CDH26: variants seen among roughly 807,000 people sequenced by gnomAD.
CDH26 encodes cadherin 26.
A neutral mutation model predicts 90.3 loss-of-function variants in CDH26; 83 were observed. The ratio of observed to expected loss-of-function variants is 0.92; its 90% CI spans 0.77 to 1.10. The LOEUF (loss-of-function observed/expected upper bound fraction) is 1.10, where lower values mean the gene tolerates loss of function less well. Ranked by LOEUF, CDH26 falls within the 50% of genes least tolerant of loss-of-function variation. The pLI, the probability that CDH26 is intolerant of heterozygous loss-of-function variation, is 0.00. For missense variants in CDH26, 1,013 were observed against 1,037.6 expected (o/e 0.98, Z 0.33); for synonymous variants, 397 against 396.3 (o/e 1.00, Z -0.02).
intron 6 of CDH26, 58 bp downstream of exon 6, chr20:59,984,863 A>G: frequency 6.4e-7 from 1 of 1,569,780 alleles, no homozygotes. Context: ...CTTGAGCCCC[A>G]GGCTTAGATT....
intron 9 of CDH26, among the ~76,000 whole-genome samples, chr20:59,991,462 T>G (rs1037135880): frequency 2.6e-5 from 4 of 152,218 alleles, no homozygotes; most frequent in African/African-American, 9.6e-5. Context: ...CCTTTTGGCC[T>G]GAGATAATCC....
At chr20:60,035,624 T>A (rs766915811), downstream of CDH26, among the ~76,000 whole-genome samples, 1 of 152,114 alleles carries the variant, frequency 6.6e-6, no homozygotes, top group Admixed American at 6.6e-5. Context: ...ATGCTTTGTA[T>A]GTGGTATGGT....
At chr20:60,023,502 T>G (rs1195779757) in intron 7 of CDH26, among the ~76,000 whole-genome samples, 1 of 152,092 alleles carries the variant, frequency 6.6e-6, no homozygotes, top group Non-Finnish European at 1.5e-5. Context: ...CATTGTTTTT[T>G]GAAAAGCAGC....
chr20:59,975,644 G>A (rs561576763), intron 4 of CDH26, among the ~76,000 whole-genome samples: 29 of 152,298 alleles, frequency 1.9e-4, no homozygotes, highest in African/African-American at 3.8e-4. Context: ...AAATTAGGAC[G>A]TGTCCTAAAC....
rs1555903645 is a variant in CDH26, at chr20:60,021,869, C to CACACACACAT, written c.948-9353_948-9352insTACACACACA. The stretch of plus-strand genomic sequence containing the variant: ...ATCTGTACACACACACACACACACA[C>CACACACACAT]ACACACACACACACACACACACACA... On this transcript the variant is annotated intron_variant, in intron 7 of 8. Coordinates refer to the CDH26 transcript ENST00000370991. Among the ~76,000 whole-genome samples the CACACACACAT allele has an allele frequency of 3.1e-3, 324 of 102,858 alleles. 10 individuals carry two copies. Among genetic ancestry groups the CACACACACAT allele is most frequent in the Middle Eastern group, 9.5e-3 (2 of 210 alleles). The allele number at this position is 102,858 out of a possible 152,430, so 67.5% of individuals were successfully genotyped here.
rs1425577577 is a variant in CDH26 at position 59,992,474 on chromosome 20, TG to T, written c.1381del (p.Val461Ter). On this transcript the variant is annotated frameshift_variant, in exon 10 of 18. Coordinates refer to ENST00000348616, the MANE Select transcript of CDH26 (RefSeq NM_177980.4). LOFTEE classifies it high-confidence loss of function. The surrounding 1 kb of genome is among the most constrained non-coding windows in gnomAD (Gnocchi z 5.0). ...VEPIDRESPH[V>X]NNSFYVIIIH... is the part of the protein sequence containing the mutation. ...AGCCAATTGACCGAGAATCCCCTCA[TG>T]TAAATAACAGTTTTTATGTAATCAT... is the stretch of plus-strand genomic sequence containing the variant. 1 of 1,614,150 alleles carries T rather than the reference TG, an allele frequency of 6.2e-7. No individual in the cohort carries two copies. Among genetic ancestry groups the T allele is most frequent in the Admixed American group, 1.7e-5 (1 of 60,018 alleles).
At chr20:59,976,016 A>G (rs1170185028) in intron 4 of CDH26, among the ~76,000 whole-genome samples, 2 of 152,190 alleles carry the variant, frequency 1.3e-5, no homozygotes, top group African/African-American at 2.4e-5. Flanking sequence ...TTATATCAAA[A>G]TATGCTCATT....
chr20:59,988,860 G>T, intron 8 of CDH26, 44 bp from the exon 9 acceptor site: 1 of 1,602,568 alleles, frequency 6.2e-7, no homozygotes, highest in Non-Finnish European at 8.5e-7. Flanking sequence ...CCTCTGGCCA[G>T]AGGAGCAGCA....
rs1569024350 is a variant in CDH26 at position 59,967,884 on chromosome 20, C to CT, written c.70-1083_70-1082insT. On this transcript the variant is annotated intron_variant, in intron 1 of 17. Transcript: ENST00000348616. Reference sequence around the variant, plus strand: ...TTCTTTCTTTCTTTCTTTCTTCCTTCCTTCCTTCCTTCCTTCCTTCCTTCC... The same window carrying CT: ...TTCTTTCTTTCTTTCTTTCTTCCTTCTCTTCCTTCCTTCCTTCCTTCCTTCC... 1.8e-3 allele frequency among the ~76,000 whole-genome samples: 182 copies of CT among 103,040 alleles called. 1 individual carries two copies. Among genetic ancestry groups the CT allele is most frequent in the African/African-American group, 9.2e-3 (166 of 17,978 alleles). The allele number at this position is 103,040 out of a possible 152,430, so 67.6% of individuals were successfully genotyped here.
intron 13 of CDH26, among the ~76,000 whole-genome samples, chr20:59,997,603 A>G (rs1490986899): frequency 6.6e-6 from 1 of 152,264 alleles, no homozygotes; most frequent in East Asian, 1.9e-4. Context: ...TTAGACAGAC[A>G]AAGAGATGAA....
At chr20:60,022,443 C>T (rs1286513170) in intron 7 of CDH26, among the ~76,000 whole-genome samples, 7 of 152,176 alleles carry the variant, frequency 4.6e-5, no homozygotes, top group African/African-American at 1.4e-4. Context: ...TTTTGTGGAG[C>T]TTTTCATCTA....
intron 8 of CDH26, among the ~76,000 whole-genome samples, chr20:60,032,593 C>G (rs2062048255): frequency 6.6e-6 from 1 of 151,944 alleles, no homozygotes; most frequent in Admixed American, 6.6e-5. Flanking sequence ...GACTTGGAAC[C>G]AACCCAAATA....
rs147691430 is a variant in CDH26, at chr20:60,030,772, G to A, written c.948-459G>A. On this transcript the variant is annotated intron_variant, in intron 7 of 8. Coordinates refer to the CDH26 transcript ENST00000370991. The surrounding 1 kb of genome is among the most constrained non-coding windows in gnomAD (Gnocchi z 4.0). ...GCATGGAAGTGAGCTGAGAGGGAGTGGAGTGGGTTCTAATGACATTGCTTA... is the reference window on the plus strand; with the variant it reads ...GCATGGAAGTGAGCTGAGAGGGAGTAGAGTGGGTTCTAATGACATTGCTTA... Among the ~76,000 whole-genome samples the A allele has an allele frequency of 2.8e-4, 42 of 152,274 alleles. No homozygotes were observed. Among genetic ancestry groups the A allele is most frequent in the African/African-American group, 9.4e-4 (39 of 41,558 alleles).
chr20:59,986,784 C>T (rs913101980), intron 7 of CDH26, among the ~76,000 whole-genome samples: 2 of 151,880 alleles, frequency 1.3e-5, no homozygotes, highest in Non-Finnish European at 1.5e-5. Flanking sequence ...TAAAAGGTGT[C>T]GTTTAATTAG....
At chr20:59,974,169 T>A (rs376748350) in intron 4 of CDH26, among the ~76,000 whole-genome samples, 4 of 152,248 alleles carry the variant, frequency 2.6e-5, no homozygotes, top group African/African-American at 9.6e-5. Flanking sequence ...TTTTTTCATA[T>A]GCTTACTGGC....
intron 14 of CDH26, 118 bp from the exon 15 acceptor site, chr20:60,001,225 T>G (rs1314545687): frequency 1.6e-6 from 2 of 1,233,884 alleles, no homozygotes; most frequent in Admixed American, 3.8e-5. Flanking sequence ...CGTGTTAATT[T>G]GTGTTTGCCT....
At chr20:59,975,607 G>C (rs970711511) in intron 4 of CDH26, among the ~76,000 whole-genome samples, 3 of 152,166 alleles carry the variant, frequency 2.0e-5, no homozygotes, top group Non-Finnish European at 2.9e-5. Flanking sequence ...TTACCAACAA[G>C]GAAGGGTGGC....
intron 2 of CDH26, 104 bp from the exon 3 acceptor site, chr20:59,969,978 C>T: frequency 6.8e-7 from 1 of 1,472,298 alleles, no homozygotes; most frequent in Non-Finnish European, 9.0e-7. Context: ...AGAATGCAGG[C>T]CAGGTGTCAG....
intron 3 of CDH26, among the ~76,000 whole-genome samples, chr20:59,971,628 G>A (rs2061261976): frequency 6.6e-6 from 1 of 152,222 alleles, no homozygotes; most frequent in South Asian, 2.1e-4. Flanking sequence ...GTTTAGTGAT[G>A]TGTCCTGCTA....
Sources: allele counts gnomAD v4.1 joint callset (sites outside exome capture counted in the v4.1 genomes callset), GRCh38; gene constraint gnomAD v4.1.1; non-coding constraint Gnocchi (gnomAD v3.1); transcripts MANE v1.5; gene names NCBI Gene and HGNC (gene_info 2026-07-23, HGNC 2026-07-21).